NDUFA2: variants seen among roughly 807,000 people sequenced by gnomAD.
NDUFA2 encodes the protein NADH:ubiquinone oxidoreductase subunit A2, also known as NADH dehydrogenase [ubiquinone] 1 alpha subcomplex subunit 2.
In NDUFA2, 9 loss-of-function variants were observed where a neutral mutation model predicts 11.4. That is an observed-to-expected ratio of 0.79 (90% CI 0.48 to 1.38). The LOEUF is 1.38. Among genes scored for constraint, NDUFA2 ranks in the 40% most tolerant of loss-of-function variants. The pLI is 0.00. For missense variants in NDUFA2, 150 were observed against 131.2 expected (o/e 1.14, Z -0.70); for synonymous variants, 49 against 54.0 (o/e 0.91, Z 0.41).
chr5:140,646,329 C>T (rs1470478344), intron 2 of NDUFA2, among the ~76,000 whole-genome samples: 1 of 152,102 alleles, frequency 6.6e-6, no homozygotes, highest in Non-Finnish European at 1.5e-5. Context: ...ATTCTCTAGG[C>T]TCCCATAGGC....
chr5:140,646,826 G>C (rs1472869433), intron 2 of NDUFA2, among the ~76,000 whole-genome samples: 1 of 152,142 alleles, frequency 6.6e-6, no homozygotes, highest in Non-Finnish European at 1.5e-5. Flanking sequence ...GAGAAAAGAA[G>C]AACACGCTTC....
Position 140,646,113 on chromosome 5 carries a change from C to T in NDUFA2, c.209-435G>A, listed in dbSNP as rs1757383838. Among the ~76,000 whole-genome samples the T allele has an allele frequency of 2.0e-5, 3 of 151,248 alleles. No homozygotes were observed. In the South Asian group the frequency reaches 6.3e-4, roughly 32 times the overall value. Reference sequence around the variant, plus strand: ...GCAACCTCCACCTCCTGGGTTCAAGCAATTCTCCTGCCTCAGCCTCCTGAG... The same window carrying T: ...GCAACCTCCACCTCCTGGGTTCAAGTAATTCTCCTGCCTCAGCCTCCTGAG... On this transcript the variant is annotated intron_variant, in intron 2 of 2. Transcript: ENST00000252102.
chr5:140,646,073 C>T (rs187285607), intron 2 of NDUFA2, among the ~76,000 whole-genome samples: 1 of 149,536 alleles, frequency 6.7e-6, no homozygotes, highest in African/African-American at 2.5e-5. Flanking sequence ...TGTGGTGGCA[C>T]GATCTCCACT....
chr5:140,647,625 A>C lies in NDUFA2; in HGVS notation c.-42T>G. 1 of 1,598,298 alleles carries C rather than the reference A, an allele frequency of 6.3e-7. No homozygotes were observed. The highest frequency in any genetic ancestry group is 8.5e-7 in the Non-Finnish European group (1 of 1,175,450). ...GTCGCCAATTCCAGGTCTTCAGGCC[A>C]AGTGCTCCGGTCTGACCAACCGCGG... On this transcript the variant is annotated 5_prime_UTR_variant, in exon 1 of 3. Coordinates refer to ENST00000252102, the MANE Select transcript of NDUFA2 (RefSeq NM_002488.5).
chr5:140,645,599 A>G lies in NDUFA2; in HGVS notation c.288T>C (p.Ser96=), dbSNP rs746260830. ...QVTRALENVL[S]GKA The stretch of plus-strand genomic sequence containing the variant: ...CTCAGTGGAGGCTTCAGGCTTTACC[A>G]CTTAGAACGTTCTCCAGGGCTCTGG... The change falls in exon 3 of 3, where the codon AGT becomes AGC. Residue 96 remains serine (S), a synonymous_variant. Transcript: ENST00000252102. 2 of 1,614,104 alleles carry G rather than the reference A, an allele frequency of 1.2e-6. No homozygotes were observed. The highest frequency in any genetic ancestry group is 1.7e-5 in the Admixed American group (1 of 60,010).
At position 140,645,343 on chromosome 5, in the gene NDUFA2, A is replaced by G. The variant is rs990176305; in HGVS notation, c.*244T>C. 6.7e-6 allele frequency: 5 copies of G among 742,300 alleles called. No individual in the cohort carries two copies. Among genetic ancestry groups the G allele is most frequent in the African/African-American group, 5.2e-5 (3 of 57,522 alleles). 46.0% of individuals were successfully genotyped at this position (742,300 alleles called of 1,614,324 possible). On this transcript the variant is annotated 3_prime_UTR_variant, in exon 3 of 3. Transcript: ENST00000252102. ...AATCCCTGCCCCCCCGCCACCCTTC[A>G]TGTTTGCTTCAGCAGCTGGTAGCTT... is the stretch of plus-strand genomic sequence containing the variant.
At chr5:140,647,169 G>A (rs1012767414) in intron 2 of NDUFA2, 87 bp downstream of exon 2, 2 of 1,394,316 alleles carry the variant, frequency 1.4e-6, no homozygotes, top group African/African-American at 2.9e-5. Context: ...TTCTCCACGG[G>A]TTTCTGCACG....
chr5:140,645,915 G>C (rs962959456), intron 2 of NDUFA2, among the ~76,000 whole-genome samples: 8 of 152,104 alleles, frequency 5.3e-5, no homozygotes, highest in African/African-American at 1.9e-4. Context: ...GGTTGTTTCA[G>C]GGAAGCTTTC....
Position 140,647,309 on chromosome 5 carries a change from G to A in NDUFA2, c.155C>T (p.Pro52Leu). 2 of 1,591,312 alleles carry A rather than the reference G, an allele frequency of 1.3e-6. No homozygotes were observed. The highest frequency in any genetic ancestry group is 1.1e-5 in the South Asian group (1 of 87,884). Residue 52 changes from proline (P) to leucine (L), a missense_variant, in exon 2 of 3, where the codon CCC (proline) becomes CTC (leucine). Pro to Leu is a moderately conservative substitution (Grantham distance 98). Coordinates refer to ENST00000252102, the MANE Select transcript of NDUFA2 (RefSeq NM_002488.5). ...ATCGGAGCATTCGCGGATTAGGATG[G>A]GTAGGTCGGGATTCGCCTTCTTCAG... Reference protein sequence around the residue: ...VELKKANPDLPILIRECSDVQ... With the variant: ...VELKKANPDLLILIRECSDVQ...
intron 1 of NDUFA2, 37 bp from the exon 2 acceptor site, chr5:140,647,399 C>T: frequency 1.2e-6 from 2 of 1,611,048 alleles, no homozygotes; most frequent in Non-Finnish European, 1.7e-6. Context: ...GTGCTGTGGG[C>T]GGGGGCTTCC....
At chr5:140,647,229 C>A (rs1187170654) in intron 2 of NDUFA2, 27 bp downstream of exon 2, 3 of 1,525,834 alleles carry the variant, frequency 2.0e-6, no homozygotes. Flanking sequence ...CTACCGGAGC[C>A]CCAGACCCCT....
rs1757331210 is a variant in NDUFA2 at position 140,645,311 on chromosome 5, G to A, written c.*276C>T. ...CTCAGTGTGGTCTACTTACTCTGGGGCCCTAGAATCCCTGCCCCCCCGCCA... is the reference window on the plus strand; with the variant it reads ...CTCAGTGTGGTCTACTTACTCTGGGACCCTAGAATCCCTGCCCCCCCGCCA... On this transcript the variant is annotated 3_prime_UTR_variant, in exon 3 of 3. Coordinates refer to ENST00000252102, the MANE Select transcript of NDUFA2 (RefSeq NM_002488.5). 1.4e-6 allele frequency: 1 copy of A among 718,964 alleles called. No individual in the cohort carries two copies. 44.5% of individuals were successfully genotyped at this position (718,964 alleles called of 1,614,324 possible).
intron 2 of NDUFA2, among the ~76,000 whole-genome samples, chr5:140,646,007 CTCTT>C (rs1456817021): frequency 3.6e-4 from 50 of 138,654 alleles, no homozygotes; most frequent in African/African-American, 1.3e-3. Context: ...CCCATTCTCT[CTCTT>C]TTTTTTTTTT....
Position 140,645,483 on chromosome 5 carries a change from G to T in NDUFA2, c.*104C>A. 1 of 1,449,916 alleles carries T rather than the reference G, an allele frequency of 6.9e-7. No individual in the cohort carries two copies. 89.8% of individuals were successfully genotyped at this position (1,449,916 alleles called of 1,614,324 possible). A position where few individuals can be genotyped will look rare whatever the true frequency, so the allele number is the denominator to read the frequency against. ...GAACACCCTGAGAAAGTATTTTACA[G>T]CACAAGCTTTATGAGGAATAGGAGA... On this transcript the variant is annotated 3_prime_UTR_variant, in exon 3 of 3. Coordinates refer to ENST00000252102, the MANE Select transcript of NDUFA2 (RefSeq NM_002488.5).
chr5:140,646,185 A>G (rs1477813576), intron 2 of NDUFA2, among the ~76,000 whole-genome samples: 1 of 151,762 alleles, frequency 6.6e-6, no homozygotes, highest in Non-Finnish European at 1.5e-5. Flanking sequence ...TAATTTTTGT[A>G]TGTTTAGTAG....
rs1296193940 is a variant in NDUFA2, at chr5:140,647,561, C to A, written c.23G>T (p.Arg8Leu). The A allele has an allele frequency of 6.2e-7, 1 of 1,611,122 alleles. No homozygotes were observed. Among genetic ancestry groups the A allele is most frequent in the Non-Finnish European group, 8.5e-7 (1 of 1,180,004 alleles). MAAAAAS[R>L]GVGAKLGLRE... ...CAGGCCCAGCTTTGCCCCGACTCCT[C>A]GACTTGCTGCGGCCGCCGCCATCCT... Residue 8 changes from arginine (R) to leucine (L), a missense_variant, in exon 1 of 3, where the codon CGA (arginine) becomes CTA (leucine). Transcript: ENST00000252102.
chr5:140,647,366 C>T lies in NDUFA2; in HGVS notation c.102-4G>A, dbSNP rs1757464694. 1.9e-6 allele frequency: 3 copies of T among 1,610,588 alleles called. No individual in the cohort carries two copies. Among genetic ancestry groups the T allele is most frequent in the Non-Finnish European group, 2.5e-6 (3 of 1,177,484 alleles). On this transcript the variant is annotated splice_region_variant and splice_polypyrimidine_tract_variant and intron_variant, in intron 1 of 2. Coordinates refer to ENST00000252102, the MANE Select transcript of NDUFA2 (RefSeq NM_002488.5). ...GTAGCGTTTCTCAATGAAGTCCCTGCGGGGCCGGAGAGAGCGCCGCGCGTG... is the reference window on the plus strand; with the variant it reads ...GTAGCGTTTCTCAATGAAGTCCCTGTGGGGCCGGAGAGAGCGCCGCGCGTG...
Position 140,647,624 on chromosome 5 carries a change from C to G in NDUFA2, c.-41G>C, listed in dbSNP as rs374432948. On this transcript the variant is annotated 5_prime_UTR_variant, in exon 1 of 3. Transcript: ENST00000252102. ...AGTCGCCAATTCCAGGTCTTCAGGC[C>G]AAGTGCTCCGGTCTGACCAACCGCG... 6.3e-7 allele frequency: 1 copy of G among 1,598,636 alleles called. No homozygotes were observed. The highest frequency in any genetic ancestry group is 1.3e-5 in the African/African-American group (1 of 74,728).
intron 2 of NDUFA2, 41 bp downstream of exon 2, chr5:140,647,215 T>G: frequency 6.6e-7 from 1 of 1,519,462 alleles, no homozygotes; most frequent in Non-Finnish European, 8.8e-7. Context: ...AAACCCTTGT[T>G]CCCCTACCGG....
Sources: gnomAD v4.1 joint callset for allele counts (sites outside exome capture counted in the v4.1 genomes callset) on GRCh38, gnomAD v4.1.1 for gene constraint, MANE v1.5 for transcripts, NCBI Gene and HGNC (gene_info 2026-07-23, HGNC 2026-07-21) for gene names.